RPS6KC1: variants seen among roughly 807,000 people sequenced by gnomAD.
RPS6KC1 encodes inactive ribosomal protein S6 kinase delta-1.
In RPS6KC1, 54 loss-of-function variants were observed where a neutral mutation model predicts 103.8. That is an observed-to-expected ratio of 0.52 (90% confidence interval 0.42 to 0.65). The LOEUF is 0.65. Ranked by LOEUF, RPS6KC1 falls within the 30% of genes least tolerant of loss-of-function variation. The pLI is 0.00. For synonymous variants in RPS6KC1, 439 were observed against 438.7 expected, an observed-to-expected ratio of 1.00 and a Z score of -0.01; for missense variants, 1,151 against 1,253.8, an observed-to-expected ratio of 0.92 and a Z score of 1.24.
chr1:213,418,088 G>A, the RPS6KC1 span, among the ~76,000 whole-genome samples: 14 of 152,156 alleles, frequency 9.2e-5, no homozygotes, highest in African/African-American at 3.1e-4. Flanking sequence ...CCTTACTCTT[G>A]GAGCACGAGG....
At chr1:213,150,518 A>AACGAGC (rs1350126334) in intron 6 of RPS6KC1, among the ~76,000 whole-genome samples, 4 of 150,318 alleles carry the variant, frequency 2.7e-5, no homozygotes, top group African/African-American at 4.9e-5. Context: ...GATGACTCTT[A>AACGAGC]ACGAGCACGC....
chr1:213,295,046 T>C, the RPS6KC1 span, among the ~76,000 whole-genome samples: 6 of 152,142 alleles, frequency 3.9e-5, no homozygotes, highest in Admixed American at 3.9e-4. Context: ...AAGCACTCCA[T>C]ATCTAGTTGT....
At chr1:213,630,806 C>A in the RPS6KC1 span, among the ~76,000 whole-genome samples, 1 of 152,228 alleles carries the variant, frequency 6.6e-6, no homozygotes, top group Non-Finnish European at 1.5e-5. Context: ...TAAGGACCCT[C>A]AGCTGCAGGT....
chr1:213,297,383 A>G, the RPS6KC1 span, among the ~76,000 whole-genome samples: 1 of 152,194 alleles, frequency 6.6e-6, no homozygotes, highest in African/African-American at 2.4e-5. Context: ...CTGTGTGTGA[A>G]CCGTGGCCTA....
chr1:213,647,671 T>C, the RPS6KC1 span, among the ~76,000 whole-genome samples: 4 of 152,182 alleles, frequency 2.6e-5, no homozygotes, highest in East Asian at 7.7e-4. Context: ...GTGTGGGTAA[T>C]CTATTAATCC....
chr1:213,482,675 A>G, the RPS6KC1 span, among the ~76,000 whole-genome samples: 1 of 148,242 alleles, frequency 6.7e-6, no homozygotes, highest in African/African-American at 2.5e-5. Flanking sequence ...CAGCTGTCTG[A>G]GTAGCTGGGA....
chr1:213,779,618 G>T, the RPS6KC1 span, among the ~76,000 whole-genome samples: 2 of 152,210 alleles, frequency 1.3e-5, no homozygotes, highest in Admixed American at 1.3e-4. Flanking sequence ...AAGCTGAGTT[G>T]CATCATGGCT....
the RPS6KC1 span, among the ~76,000 whole-genome samples, chr1:213,655,422 G>T: frequency 6.6e-6 from 1 of 152,318 alleles, no homozygotes; most frequent in East Asian, 1.9e-4. Flanking sequence ...ATTACCTTGT[G>T]TTCGGACATC....
At chr1:213,365,992 C>T in the RPS6KC1 span, among the ~76,000 whole-genome samples, 2 of 152,344 alleles carry the variant, frequency 1.3e-5, no homozygotes, top group African/African-American at 2.4e-5. Flanking sequence ...GCCTTGGTCT[C>T]AAAGGGTAGG....
At chr1:213,379,178 G>T in the RPS6KC1 span, among the ~76,000 whole-genome samples, 31 of 152,212 alleles carry the variant, frequency 2.0e-4, 1 homozygote, top group Non-Finnish European at 3.7e-4. Context: ...GGTACGTGTG[G>T]ATCTTCAATT....
chr1:213,259,584 A>AG (rs1233578441), intron 12 of RPS6KC1, among the ~76,000 whole-genome samples: 1 of 152,146 alleles, frequency 6.6e-6, no homozygotes, highest in Non-Finnish European at 1.5e-5. Context: ...ACCACCCCAG[A>AG]GGCAAATCAG....
chr1:213,367,751 T>A, the RPS6KC1 span, among the ~76,000 whole-genome samples: 1 of 152,226 alleles, frequency 6.6e-6, no homozygotes, highest in Non-Finnish European at 1.5e-5. Flanking sequence ...ACATTTTGAC[T>A]AGTAGGGCTC....
At chr1:213,674,305 C>T in the RPS6KC1 span, among the ~76,000 whole-genome samples, 1 of 152,218 alleles carries the variant, frequency 6.6e-6, no homozygotes, top group Non-Finnish European at 1.5e-5. Context: ...AGGCATGAGC[C>T]ACTGCACCTG....
the RPS6KC1 span, among the ~76,000 whole-genome samples, chr1:213,379,497 C>T: frequency 2.0e-5 from 3 of 152,186 alleles, no homozygotes; most frequent in African/African-American, 7.2e-5. Context: ...GGAACAGATT[C>T]CGCCTTAGCC....
At chr1:213,333,193 A>G in the RPS6KC1 span, among the ~76,000 whole-genome samples, 1 of 152,252 alleles carries the variant, frequency 6.6e-6, no homozygotes, top group Non-Finnish European at 1.5e-5. Flanking sequence ...GGTATAAACC[A>G]TCAAGTCTCT....
the RPS6KC1 span, among the ~76,000 whole-genome samples, chr1:213,576,392 A>G: frequency 6.7e-6 from 1 of 148,844 alleles, no homozygotes; most frequent in Non-Finnish European, 1.5e-5. Flanking sequence ...TTTTTTAACA[A>G]ATTGAAGGTT....
intron 8 of RPS6KC1, among the ~76,000 whole-genome samples, chr1:213,184,091 G>C (rs1187917563): frequency 6.6e-6 from 1 of 152,048 alleles, no homozygotes; most frequent in African/African-American, 2.4e-5. Flanking sequence ...TAACTATTAA[G>C]GGAACTGAAT....
chr1:213,429,612 C>T, the RPS6KC1 span, among the ~76,000 whole-genome samples: 6 of 152,102 alleles, frequency 3.9e-5, no homozygotes, highest in African/African-American at 7.2e-5. Flanking sequence ...TTAGAAAAAC[C>T]GGATACTTGG....
the RPS6KC1 span, among the ~76,000 whole-genome samples, chr1:213,563,972 C>CTTTTTTTTTTTTTT: frequency 5.2e-5 from 7 of 134,392 alleles, no homozygotes; most frequent in East Asian, 2.2e-4. Flanking sequence ...TTGCTTACCT[C>CTTTTTTTTTTTTTT]TTTTTTTTTT....
Sources: gnomAD v4.1 joint callset for allele counts (sites outside exome capture counted in the v4.1 genomes callset) on GRCh38, gnomAD v4.1.1 for gene constraint, MANE v1.5 for transcripts, NCBI Gene and HGNC (gene_info 2026-07-23, HGNC 2026-07-21) for gene names.